The following PCDHA8 variants were observed in gnomAD, a reference collection of about 807,000 sequenced individuals.
PCDHA8 encodes protocadherin alpha 8.
In PCDHA8, 53 loss-of-function variants were observed where a neutral mutation model predicts 61.8. The ratio of observed to expected loss-of-function variants is 0.86; its 90% CI spans 0.69 to 1.08. The LOEUF (loss-of-function observed/expected upper bound fraction) is 1.08. PCDHA8 is among the 50% of genes least tolerant of loss of function. The pLI, the probability that PCDHA8 is intolerant of heterozygous loss-of-function variation, is 0.00. For synonymous variants in PCDHA8, 618 were observed against 556.6 expected, an observed-to-expected ratio of 1.11 and a Z score of -1.55; for missense variants, 1,293 against 1,245.0, an observed-to-expected ratio of 1.04 and a Z score of -0.58.
At chr5:140,995,570 A>G (rs186345842) in intron 3 of PCDHA8, among the ~76,000 whole-genome samples, 1 of 152,210 alleles carries the variant, frequency 6.6e-6, no homozygotes, top group African/African-American at 2.4e-5. Flanking sequence ...ATATGTCAAG[A>G]TGAGCTATGA....
chr5:140,870,883 C>A (rs782137761), intron 1 of PCDHA8: 1 of 1,613,920 alleles, frequency 6.2e-7, no homozygotes, highest in Non-Finnish European at 8.5e-7. Context: ...GGCGAAGGTG[C>A]GCGCAGTGGA....
rs145079458 is a variant in PCDHA8, at chr5:140,855,999, T to C, written c.2394+12284T>C. 135 of 1,513,714 alleles carry C rather than the reference T, an allele frequency of 8.9e-5. 2 individuals are homozygous for C. The East Asian group carries it at 2.5e-3, about 28-fold the overall frequency. 93.8% of individuals were successfully genotyped at this position (1,513,714 alleles called of 1,614,324 possible). On this transcript the variant is annotated intron_variant, in intron 1 of 3. Transcript: ENST00000531613. ...AGGACAGAAAATGTCAGATCGTATG[T>C]GCGTTCTAGACCGCTGATTCGTCGA... is the stretch of plus-strand genomic sequence containing the variant.
At chr5:140,909,043 C>T (rs2074280472) in intron 1 of PCDHA8, among the ~76,000 whole-genome samples, 1 of 152,188 alleles carries the variant, frequency 6.6e-6, no homozygotes, top group Non-Finnish European at 1.5e-5. Flanking sequence ...TTTCCATACT[C>T]TGGCATGCAA....
At chr5:140,970,775 C>T (rs2096433002) in intron 1 of PCDHA8, among the ~76,000 whole-genome samples, 1 of 152,160 alleles carries the variant, frequency 6.6e-6, no homozygotes, top group Non-Finnish European at 1.5e-5. Context: ...GCTGTACATA[C>T]ATATTGTATG....
At chr5:140,875,608 G>C in intron 1 of PCDHA8, 1 of 1,613,844 alleles carries the variant, frequency 6.2e-7, no homozygotes, top group Non-Finnish European at 8.5e-7. Context: ...CACCTTCGTG[G>C]GCCGCATCGC....
At chr5:140,849,605 C>G (rs1469942879) in intron 1 of PCDHA8, 1 of 1,598,466 alleles carries the variant, frequency 6.3e-7, no homozygotes, top group Non-Finnish European at 8.6e-7. Flanking sequence ...CAGTTATTGC[C>G]CTGATTAGTG....
intron 1 of PCDHA8, chr5:140,850,766 G>T: frequency 6.3e-7 from 1 of 1,598,074 alleles, no homozygotes; most frequent in Non-Finnish European, 8.6e-7. Context: ...GGAGGCAGAG[G>T]GTGTGCTCTG....
intron 1 of PCDHA8, chr5:140,857,619 A>C (rs1554150364): frequency 6.3e-7 from 1 of 1,596,352 alleles, no homozygotes; most frequent in South Asian, 1.1e-5. Flanking sequence ...CCGCTGGACC[A>C]CGAGGAGCTG....
chr5:140,955,493 T>G (rs1554221955), intron 1 of PCDHA8, among the ~76,000 whole-genome samples: 1 of 152,190 alleles, frequency 6.6e-6, no homozygotes, highest in African/African-American at 2.4e-5. Flanking sequence ...CCTGCCACCA[T>G]GTGAAGAAAG....
intron 3 of PCDHA8, among the ~76,000 whole-genome samples, chr5:140,993,203 A>AT (rs200893072): frequency 0.015 from 2,264 of 152,198 alleles, 62 homozygotes; most frequent in African/African-American, 0.051. Flanking sequence ...ACTAAAGCTA[A>AT]TTTTTTTAGC....
rs202099274 is a variant in PCDHA8 at position 140,842,659 on chromosome 5, C to G, written c.1338C>G (p.Ala446=). The G allele has an allele frequency of 6.9e-6, 11 of 1,595,186 alleles. No individual in the cohort carries two copies. The South Asian group carries it at 1.2e-4, about 18-fold the overall frequency. ...WATASLSVEV[A]DVNDNAPAFA... is the part of the protein sequence containing the mutation. ...CCGCCAGCTTGTCTGTGGAGGTGGC[C>G]GACGTGAACGACAATGCTCCGGCGT... Residue 446 remains alanine, a synonymous_variant, in exon 1 of 4, where the codon GCC becomes GCG. Transcript: ENST00000531613.
At chr5:140,876,398 A>G (rs782094508) in intron 1 of PCDHA8, 1 of 1,613,962 alleles carries the variant, frequency 6.2e-7, no homozygotes, top group Non-Finnish European at 8.5e-7. Context: ...GGTGAACTGG[A>G]TTTTGAAGAG....
At chr5:140,879,854 C>G (rs2058149387) in intron 1 of PCDHA8, among the ~76,000 whole-genome samples, 1 of 152,200 alleles carries the variant, frequency 6.6e-6, no homozygotes, top group African/African-American at 2.4e-5. Context: ...CCCATCTCAG[C>G]CTTCTCAGCT....
intron 1 of PCDHA8, chr5:140,882,983 GC>G: frequency 1.2e-6 from 2 of 1,614,130 alleles, no homozygotes; most frequent in Non-Finnish European, 1.7e-6. Context: ...GAATGACAAC[GC>G]CCCGGAATTT....
intron 3 of PCDHA8, among the ~76,000 whole-genome samples, chr5:140,989,450 T>C (rs1299416259): frequency 6.6e-6 from 1 of 152,208 alleles, no homozygotes; most frequent in Admixed American, 6.5e-5. Context: ...TTGTTTAGAA[T>C]TGTTAGGCTT....
At position 141,010,080 on chromosome 5, in the gene PCDHA8, G is replaced by C. The variant is rs2098415967; in HGVS notation, c.*143G>C. On this transcript the variant is annotated 3_prime_UTR_variant, in exon 4 of 4. Transcript: ENST00000531613. The stretch of plus-strand genomic sequence containing the variant: ...AATCTGCAGAAAGTTCCCTGTGTCT[G>C]TCTAGAACGCATTTAACAGGTTTTG... 1 of 1,611,462 alleles carries C rather than the reference G, an allele frequency of 6.2e-7. No homozygotes were observed. The highest frequency in any genetic ancestry group is 1.1e-5 in the South Asian group (1 of 90,590).
At chr5:140,952,180 T>C (rs1034052117) in intron 1 of PCDHA8, among the ~76,000 whole-genome samples, 4 of 151,968 alleles carry the variant, frequency 2.6e-5, no homozygotes, top group Admixed American at 2.0e-4. Context: ...CTGCAGCTGC[T>C]CTCATGGGTT....
At chr5:140,858,209 T>A (rs1554151274) in intron 1 of PCDHA8, 1 of 1,593,850 alleles carries the variant, frequency 6.3e-7, no homozygotes, top group Admixed American at 1.7e-5. Context: ...TGCACTGAGG[T>A]GCTCGGCGGC....
intron 1 of PCDHA8, among the ~76,000 whole-genome samples, chr5:140,918,041 C>T (rs1554198405): frequency 6.6e-6 from 1 of 152,058 alleles, no homozygotes; most frequent in Non-Finnish European, 1.5e-5. Flanking sequence ...AAGGTCTTTC[C>T]ATTTGTTTTA....
Sources: allele counts gnomAD v4.1 joint callset (sites outside exome capture counted in the v4.1 genomes callset), GRCh38; gene constraint gnomAD v4.1.1; transcripts MANE v1.5; gene names NCBI Gene and HGNC (gene_info 2026-07-23, HGNC 2026-07-21).